Variants in DCC observed in about 807,000 individuals in gnomAD.
The protein encoded by DCC is DCC netrin 1 receptor.
In DCC, 58 loss-of-function variants were observed where a neutral mutation model predicts 172.5. The ratio of observed to expected loss-of-function variants is 0.34; its 90% CI spans 0.27 to 0.42. The LOEUF is 0.42. Among genes scored for constraint, DCC ranks in the 10% least tolerant of loss-of-function variants. The pLI is 1.00. For synonymous variants in DCC, 709 were observed against 644.5 expected, an observed-to-expected ratio of 1.10 and a Z score of -1.52; for missense variants, 1,740 against 1,791.0, an observed-to-expected ratio of 0.97 and a Z score of 0.51.
At chr18:52,341,444 G>A (rs560637215) in intron 1 of DCC, among the ~76,000 whole-genome samples, 1 of 152,320 alleles carries the variant, frequency 6.6e-6, no homozygotes, top group East Asian at 1.9e-4. Context: ...TGGTACTGAA[G>A]GAGGCACAGA....
intron 21 of DCC, among the ~76,000 whole-genome samples, chr18:53,416,778 G>C (rs912727700): frequency 3.3e-5 from 5 of 152,086 alleles, no homozygotes; most frequent in African/African-American, 1.2e-4. Flanking sequence ...TTACACAAAG[G>C]CAAAATGGAG....
chr18:52,856,411 G>A (rs1357047588), intron 2 of DCC, among the ~76,000 whole-genome samples: 2 of 151,426 alleles, frequency 1.3e-5, no homozygotes, highest in Non-Finnish European at 2.9e-5. Context: ...GTTTCACGAG[G>A]TCAGGAGATC....
chr18:53,506,510 A>G (rs542080087), intron 27 of DCC, among the ~76,000 whole-genome samples: 1 of 152,162 alleles, frequency 6.6e-6, no homozygotes, highest in Non-Finnish European at 1.5e-5. Context: ...TTTTTATGAA[A>G]ATAAACAGAC....
intron 1 of DCC, among the ~76,000 whole-genome samples, chr18:52,362,101 T>A (rs958860352): frequency 8.1e-4 from 123 of 152,392 alleles, no homozygotes; most frequent in African/African-American, 2.9e-3. Flanking sequence ...GGCTTGATGT[T>A]ATTTTGCTAA....
intron 25 of DCC, among the ~76,000 whole-genome samples, chr18:53,473,080 A>G (rs1464103118): frequency 6.6e-6 from 1 of 152,214 alleles, no homozygotes; most frequent in Non-Finnish European, 1.5e-5. Context: ...CAAAGACCAG[A>G]GTAGATATTG....
At chr18:52,619,573 G>A (rs2034443975) in intron 1 of DCC, among the ~76,000 whole-genome samples, 1 of 152,126 alleles carries the variant, frequency 6.6e-6, no homozygotes, top group Admixed American at 6.5e-5. Context: ...GGATGCAGTT[G>A]TTCAAGTTAT....
intron 1 of DCC, among the ~76,000 whole-genome samples, chr18:52,353,059 C>G (rs1984196724): frequency 6.6e-6 from 1 of 152,190 alleles, no homozygotes; most frequent in African/African-American, 2.4e-5. Flanking sequence ...CCCTACCACA[C>G]TAGTTTTTCT....
At chr18:52,520,940 A>G (rs2031793177) in intron 1 of DCC, among the ~76,000 whole-genome samples, 1 of 152,164 alleles carries the variant, frequency 6.6e-6, no homozygotes, top group South Asian at 2.1e-4. Context: ...ATTGCCATAT[A>G]CTGTCCTGAC....
At chr18:53,353,481 T>C (rs1304474309) in intron 15 of DCC, among the ~76,000 whole-genome samples, 3 of 152,178 alleles carry the variant, frequency 2.0e-5, no homozygotes, top group Non-Finnish European at 4.4e-5. Context: ...TTAGCAATTT[T>C]GGTGCTCTTC....
intron 5 of DCC, among the ~76,000 whole-genome samples, chr18:52,973,395 T>C (rs2041062559): frequency 1.3e-5 from 2 of 152,304 alleles, no homozygotes; most frequent in South Asian, 2.1e-4. Context: ...GCTCATTTTA[T>C]AGATTTTTCA....
chr18:52,524,167 T>C (rs1190216211), intron 1 of DCC, among the ~76,000 whole-genome samples: 1 of 152,224 alleles, frequency 6.6e-6, no homozygotes, highest in Non-Finnish European at 1.5e-5. Context: ...ATGTGATGCT[T>C]CATTTCTTTA....
chr18:53,468,363 T>TTTATTTATTTATTTAA (rs1555675962), intron 25 of DCC, among the ~76,000 whole-genome samples: 1 of 54,722 alleles, frequency 1.8e-5, no homozygotes, highest in Non-Finnish European at 4.8e-5. Flanking sequence ...TATTTATTTA[T>TTTATTTATTTATTTAA]TTTATTTATT....
intron 5 of DCC, among the ~76,000 whole-genome samples, chr18:53,051,551 T>G (rs1232659095): frequency 6.6e-6 from 1 of 152,164 alleles, no homozygotes; most frequent in East Asian, 1.9e-4. Flanking sequence ...GTTGTTAGGT[T>G]TATTCTAGAA....
intron 21 of DCC, among the ~76,000 whole-genome samples, chr18:53,419,217 A>G (rs1910490921): frequency 6.6e-6 from 1 of 152,276 alleles, no homozygotes; most frequent in East Asian, 1.9e-4. Context: ...CTTTGATACA[A>G]GCATACAGTG....
At chr18:53,142,264 T>G (rs946171885) in intron 7 of DCC, among the ~76,000 whole-genome samples, 3 of 152,208 alleles carry the variant, frequency 2.0e-5, no homozygotes, top group Admixed American at 1.3e-4. Context: ...CTTCTCAGAT[T>G]GATGGCTGCA....
chr18:53,092,819 T>G (rs547246130), intron 7 of DCC, among the ~76,000 whole-genome samples: 1 of 152,270 alleles, frequency 6.6e-6, no homozygotes, highest in Admixed American at 6.5e-5. Flanking sequence ...GACCCTGATG[T>G]ATCATAGACC....
intron 7 of DCC, among the ~76,000 whole-genome samples, chr18:53,151,123 T>A (rs1192967031): frequency 1.3e-5 from 2 of 152,192 alleles, no homozygotes; most frequent in Non-Finnish European, 2.9e-5. Context: ...ATTGAATGGA[T>A]TAATAATTGG....
At chr18:52,838,945 G>T (rs894746093) in intron 2 of DCC, among the ~76,000 whole-genome samples, 2 of 152,164 alleles carry the variant, frequency 1.3e-5, no homozygotes, top group South Asian at 2.1e-4. Flanking sequence ...TCTGGGAAAA[G>T]AAAACAGCTT....
At chr18:52,687,139 T>A (rs566994451) in intron 1 of DCC, among the ~76,000 whole-genome samples, 1 of 152,130 alleles carries the variant, frequency 6.6e-6, no homozygotes, top group Admixed American at 6.6e-5. Flanking sequence ...TGCTCAAACC[T>A]ATTCCAAAAA....
Sources: allele counts gnomAD v4.1 joint callset (sites outside exome capture counted in the v4.1 genomes callset), GRCh38; gene constraint gnomAD v4.1.1; transcripts MANE v1.5; gene names NCBI Gene and HGNC (gene_info 2026-07-23, HGNC 2026-07-21).